LACTBL1: variants seen among roughly 807,000 people sequenced by gnomAD.
LACTBL1 encodes the protein lactamase beta like 1, also known as beta-lactamase-like protein 1.
In LACTBL1, 29 loss-of-function variants were observed where a neutral mutation model predicts 39.6. The observed-to-expected ratio is 0.73, with a 90% confidence interval of 0.55 to 1.00. The LOEUF (loss-of-function observed/expected upper bound fraction) is 1.00. LACTBL1 is among the 50% of genes least tolerant of loss of function. The pLI, the probability that LACTBL1 is intolerant of heterozygous loss-of-function variation, is 0.00. For missense variants in LACTBL1, 711 were observed against 748.5 expected, an observed-to-expected ratio of 0.95 and a Z score of 0.59; for synonymous variants, 361 against 360.7, an observed-to-expected ratio of 1.00 and a Z score of -0.01.
At position 22,953,197 on chromosome 1, in the gene LACTBL1, C is replaced by T. The variant is rs908284786; in HGVS notation, c.1487G>A (p.Gly496Asp). 7 of 1,232,134 alleles carry T rather than the reference C, an allele frequency of 5.7e-6. No homozygotes were observed. In the African/African-American group the frequency reaches 9.3e-5, roughly 16 times the overall value. The allele number at this position is 1,232,134 out of a possible 1,614,324, so 76.3% of individuals were successfully genotyped here. ...GGCCTCGAGCGAGAGCCACGCGTCG[C>T]CGAGTGGCAGTGCGCAGGGGAACTC... Residue 496 changes from glycine to aspartate, a missense_variant, in exon 6 of 6, where the codon GGC becomes GAC. Gly to Asp is a moderately conservative substitution (Grantham distance 94). Transcript: ENST00000426928.
intron 2 of LACTBL1, among the ~76,000 whole-genome samples, chr1:22,962,672 C>A (rs561069539): frequency 5.4e-4 from 82 of 152,248 alleles, no homozygotes; most frequent in African/African-American, 1.9e-3. Flanking sequence ...GGCCCTTCCA[C>A]GTGCTGTTCC....
At chr1:22,969,525 C>T (rs913713213), upstream of LACTBL1, among the ~76,000 whole-genome samples, 12 of 152,134 alleles carry the variant, frequency 7.9e-5, 1 homozygote, top group Admixed American at 7.2e-4. Context: ...GTGTGCCAGA[C>T]GCTGTTCTAC....
Position 22,958,976 on chromosome 1 carries a change from C to T in LACTBL1, c.318-56G>A, listed in dbSNP as rs1029006876. The T allele has an allele frequency of 8.4e-6, 10 of 1,185,414 alleles. No homozygotes were observed. In the African/African-American group the frequency reaches 1.5e-4, roughly 18 times the overall value. 73.4% of individuals were successfully genotyped at this position (1,185,414 alleles called of 1,614,324 possible). ...AGGGCATCCTGTTGGCCCCACAACC[C>T]ACCTCCTGCCCCCATCCTGCAACTT... On this transcript the variant is annotated intron_variant, in intron 3 of 5. Coordinates refer to ENST00000426928, the Ensembl canonical transcript of LACTBL1.
At chr1:22,969,446 A>G (rs143966360), upstream of LACTBL1, among the ~76,000 whole-genome samples, 4 of 152,170 alleles carry the variant, frequency 2.6e-5, no homozygotes, top group Admixed American at 6.5e-5. Context: ...TGCTGAGTTT[A>G]TGTTCCATCC....
the LACTBL1 span, chr1:22,972,435 G>A: frequency 2.0e-6 from 2 of 985,182 alleles, no homozygotes; most frequent in Non-Finnish European, 2.4e-6. Context: ...TGAGGGGCTG[G>A]AAAAAGAGGA....
chr1:22,961,446 C>T (rs989352399), intron 2 of LACTBL1, among the ~76,000 whole-genome samples: 2 of 152,212 alleles, frequency 1.3e-5, no homozygotes, highest in African/African-American at 2.4e-5. Context: ...TCACCGTAAA[C>T]TCCACCTCCC....
At chr1:22,961,332 C>T (rs1350019088) in intron 2 of LACTBL1, among the ~76,000 whole-genome samples, 5 of 152,058 alleles carry the variant, frequency 3.3e-5, no homozygotes, top group African/African-American at 1.2e-4. Flanking sequence ...GAACCCTGTG[C>T]TAAGTCCAGC....
intron 2 of LACTBL1, among the ~76,000 whole-genome samples, chr1:22,962,773 A>T (rs188581662): frequency 8.5e-4 from 129 of 152,146 alleles, no homozygotes; most frequent in African/African-American, 3.0e-3. Context: ...CTCAGCCTAG[A>T]CACCACTTCC....
At chr1:22,956,459 G>C (rs1640763085) in intron 4 of LACTBL1, among the ~76,000 whole-genome samples, 1 of 152,188 alleles carries the variant, frequency 6.6e-6, no homozygotes, top group African/African-American at 2.4e-5. Flanking sequence ...TCCATTGACT[G>C]AGACTCAGGC....
chr1:22,958,189 G>T (rs778523337), intron 4 of LACTBL1, among the ~76,000 whole-genome samples: 1 of 152,102 alleles, frequency 6.6e-6, no homozygotes, highest in Non-Finnish European at 1.5e-5. Context: ...GGGCTCAAGT[G>T]ATCCTCCCAC....
intron 2 of LACTBL1, among the ~76,000 whole-genome samples, chr1:22,962,293 C>A (rs546258555): frequency 6.6e-6 from 1 of 152,284 alleles, no homozygotes; most frequent in East Asian, 1.9e-4. Context: ...CATTGGCCCA[C>A]ACGTTCCCTT....
At chr1:22,971,957 G>C in the LACTBL1 span, among the ~76,000 whole-genome samples, 4 of 152,150 alleles carry the variant, frequency 2.6e-5, no homozygotes, top group South Asian at 4.1e-4. Flanking sequence ...CTCAGCCTAG[G>C]GGGAGGGAGG....
chr1:22,961,367 G>T (rs923628636), intron 2 of LACTBL1, among the ~76,000 whole-genome samples: 2 of 151,728 alleles, frequency 1.3e-5, no homozygotes, highest in Non-Finnish European at 2.9e-5. Flanking sequence ...TGTTGTTTTG[G>T]TTTTTTGTTT....
In LACTBL1 at chr1:22,954,135, C is replaced by G. The variant is rs531809611; in HGVS notation, c.660-111G>C. Reference sequence around the variant, plus strand: ...GCGGGGCTGGGAAGGAACCTGCTCCCCTGCATCCCAGGTGGTCAGACCTGG... The same window carrying G: ...GCGGGGCTGGGAAGGAACCTGCTCCGCTGCATCCCAGGTGGTCAGACCTGG... On this transcript the variant is annotated intron_variant, in intron 5 of 5. Transcript: ENST00000426928. The G allele has an allele frequency of 6.9e-6, 10 of 1,440,752 alleles. No homozygotes were observed. In the African/African-American group the frequency reaches 1.0e-4, roughly 15 times the overall value. The allele number at this position is 1,440,752 out of a possible 1,614,324, so 89.2% of individuals were successfully genotyped here.
chr1:22,960,521 G>A (rs1320780528), intron 2 of LACTBL1, among the ~76,000 whole-genome samples: 1 of 150,014 alleles, frequency 6.7e-6, no homozygotes, highest in East Asian at 2.0e-4. Context: ...GGAGGCTGAG[G>A]CAGGAGAATC....
the LACTBL1 span, among the ~76,000 whole-genome samples, chr1:22,972,643 C>T: frequency 6.6e-6 from 1 of 152,082 alleles, no homozygotes; most frequent in African/African-American, 2.4e-5. Flanking sequence ...CCCAGAAACC[C>T]CTCAGTCCTA....
chr1:22,964,188 C>T (rs1212309002), intron 1 of LACTBL1, among the ~76,000 whole-genome samples: 4 of 152,160 alleles, frequency 2.6e-5, no homozygotes, highest in African/African-American at 4.8e-5. Flanking sequence ...CCACCTGCCT[C>T]GGCCTCCCAA....
chr1:22,971,222 C>G, the LACTBL1 span, among the ~76,000 whole-genome samples: 60 of 152,064 alleles, frequency 3.9e-4, no homozygotes, highest in Middle Eastern at 3.4e-3. Context: ...GCACCACCCC[C>G]CTCCTCCTCA....
At chr1:22,972,474 G>A in the LACTBL1 span, 42 of 980,172 alleles carry the variant, frequency 4.3e-5, no homozygotes, top group Non-Finnish European at 4.5e-5. Context: ...AGAAAACAAG[G>A]AGGGTAGACG....
Sources: allele counts gnomAD v4.1 joint callset (sites outside exome capture counted in the v4.1 genomes callset), GRCh38; gene constraint gnomAD v4.1.1; transcripts MANE v1.5; gene names NCBI Gene and HGNC (gene_info 2026-07-23, HGNC 2026-07-21).